Variants in KCTD7 observed in about 807,000 individuals in gnomAD.
The protein encoded by KCTD7 is BTB/POZ domain-containing protein KCTD7.
In KCTD7, 15 loss-of-function variants were observed where a neutral mutation model predicts 27.0. The ratio of observed to expected loss-of-function variants is 0.56; its 90% CI spans 0.37 to 0.86. KCTD7 has a LOEUF of 0.86. Ranked by LOEUF, KCTD7 falls within the 40% of genes least tolerant of loss-of-function variation. The probability of loss-of-function intolerance (pLI) is 0.00; values close to 1 mark genes in which losing one functional copy is unlikely to be tolerated. For missense variants in KCTD7, 299 were observed against 398.9 expected (o/e 0.75, Z 2.13); for synonymous variants, 159 against 162.7 (o/e 0.98, Z 0.17).
At chr7:66,632,442 G>C (rs1448920480) in intron 1 of KCTD7, among the ~76,000 whole-genome samples, 1 of 144,420 alleles carries the variant, frequency 6.9e-6, no homozygotes, top group African/African-American at 2.6e-5. Context: ...AGCCGAGATC[G>C]CGCCACTGAA....
intron 1 of KCTD7, among the ~76,000 whole-genome samples, chr7:66,631,419 ATTAG>A (rs1786437715): frequency 6.6e-6 from 1 of 152,120 alleles, no homozygotes; most frequent in Non-Finnish European, 1.5e-5. Context: ...AAATACAAAA[ATTAG>A]TTGGGTGTGG....
In KCTD7 at chr7:66,640,448, T is replaced by G; in HGVS notation, c.*1216T>G. On this transcript the variant is annotated 3_prime_UTR_variant, in exon 4 of 4. Coordinates refer to ENST00000639828, the MANE Select transcript of KCTD7 (RefSeq NM_153033.5). Reference sequence around the variant, plus strand: ...ACTACTGCATTTCCTTCTTGCTCTGTCTACAGCCTAGGCCAACTAGTCAGG... The same window carrying G: ...ACTACTGCATTTCCTTCTTGCTCTGGCTACAGCCTAGGCCAACTAGTCAGG... The G allele has an allele frequency of 6.5e-7, 1 of 1,537,284 alleles. No individual in the cohort carries two copies. The highest frequency in any genetic ancestry group is 8.7e-7 in the Non-Finnish European group (1 of 1,146,906).
At chr7:66,633,588 G>T in intron 2 of KCTD7, 144 bp downstream of exon 2, 30 of 761,862 alleles carry the variant, frequency 3.9e-5, no homozygotes, top group Non-Finnish European at 4.4e-5. Context: ...TATTGAAAGA[G>T]ATCAATTTTT....
intron 2 of KCTD7, among the ~76,000 whole-genome samples, chr7:66,633,881 A>C (rs1786511832): frequency 6.6e-6 from 1 of 151,906 alleles, no homozygotes; most frequent in African/African-American, 2.4e-5. Context: ...CCAGCTACTC[A>C]GGAAGCTGAG....
intron 3 of KCTD7, 21 bp from the exon 4 acceptor site, chr7:66,638,835 G>A (rs1786645797): frequency 6.2e-7 from 1 of 1,613,682 alleles, no homozygotes; most frequent in South Asian, 1.1e-5. Context: ...CTAGTGATAG[G>A]TGTTGTGTTC....
intron 1 of KCTD7, among the ~76,000 whole-genome samples, 189 bp from the exon 2 acceptor site, chr7:66,633,086 G>T (rs1230056136): frequency 6.6e-6 from 1 of 151,908 alleles, no homozygotes; most frequent in East Asian, 1.9e-4. Context: ...GGGTTAGAAT[G>T]GGTAGGACTT....
chr7:66,638,796 T>A, intron 3 of KCTD7, 60 bp from the exon 4 acceptor site: 1 of 1,600,406 alleles, frequency 6.2e-7, no homozygotes. Flanking sequence ...TCTCTGTGCA[T>A]CTCTGCTGCC....
Position 66,639,086 on chromosome 7 carries a change from T to C in KCTD7, c.724T>C (p.Tyr242His). The C allele has an allele frequency of 6.2e-7, 1 of 1,614,118 alleles. No individual in the cohort carries two copies. The highest frequency in any genetic ancestry group is 8.5e-7 in the Non-Finnish European group (1 of 1,180,004). Residue 242 changes from tyrosine to histidine, a missense_variant, in exon 4 of 4, where the codon TAT (tyrosine) becomes CAT (histidine). Coordinates refer to ENST00000639828, the MANE Select transcript of KCTD7 (RefSeq NM_153033.5). ...GCCCTGGGAGGCTGTGGCTGATGTT[T>C]ATGACCTGCTGCACTGCCTGGTCAC... ...FGPWEAVADV[Y>H]DLLHCLVTDL...
Position 66,642,182 on chromosome 7 carries a change from G to A in KCTD7, c.*2950G>A, listed in dbSNP as rs1006949309. On this transcript the variant is annotated 3_prime_UTR_variant, in exon 4 of 4. Coordinates refer to ENST00000639828, the MANE Select transcript of KCTD7 (RefSeq NM_153033.5). ...AAAAAGACTGAAGCAAAACCACACTGAAATGCATCCCACTCCAGGAGAGGA... is the reference window on the plus strand; with the variant it reads ...AAAAAGACTGAAGCAAAACCACACTAAAATGCATCCCACTCCAGGAGAGGA... The A allele has an allele frequency of 1.0e-5, 10 of 985,248 alleles. No individual in the cohort carries two copies. In the African/African-American group the frequency reaches 1.7e-4, roughly 17 times the overall value. 61.0% of individuals were successfully genotyped at this position (985,248 alleles called of 1,614,324 possible).
In KCTD7 at chr7:66,639,346, A is replaced by G. The variant is rs907869743; in HGVS notation, c.*114A>G. On this transcript the variant is annotated 3_prime_UTR_variant, in exon 4 of 4. Coordinates refer to ENST00000639828, the MANE Select transcript of KCTD7 (RefSeq NM_153033.5). ...TGCCCCAGAATCTGCCGAGGTGAGA[A>G]CAGCATCCTGAGGCACAGCTCCCAG... The G allele has an allele frequency of 4.4e-6, 7 of 1,577,346 alleles. No homozygotes were observed. The highest frequency in any genetic ancestry group is 5.1e-6 in the Non-Finnish European group (6 of 1,168,128).
At chr7:66,638,453 T>G in intron 3 of KCTD7, 22 bp downstream of exon 3, 3 of 1,510,080 alleles carry the variant, frequency 2.0e-6, no homozygotes, top group Non-Finnish European at 2.7e-6. Flanking sequence ...CTGCCCAGGA[T>G]GGTGGGTATG....
At chr7:66,637,549 C>A (rs1385149451) in intron 2 of KCTD7, among the ~76,000 whole-genome samples, 1 of 151,812 alleles carries the variant, frequency 6.6e-6, no homozygotes, top group African/African-American at 2.4e-5. Context: ...AACAAAAAAA[C>A]AAACTACTGG....
At chr7:66,634,134 A>ATATATATATATATG (rs997286181) in intron 2 of KCTD7, among the ~76,000 whole-genome samples, 12 of 145,662 alleles carry the variant, frequency 8.2e-5, no homozygotes, top group African/African-American at 2.8e-4. Context: ...ATATATATAT[A>ATATATATATATATG]TATGTATATA....
At chr7:66,631,690 A>G (rs1786445728) in intron 1 of KCTD7, among the ~76,000 whole-genome samples, 1 of 151,674 alleles carries the variant, frequency 6.6e-6, no homozygotes, top group Non-Finnish European at 1.5e-5. Context: ...TAGAAACCAC[A>G]AGCAGTGCAA....
Position 66,640,197 on chromosome 7 carries a change from CCTT to C in KCTD7, c.*968_*970del, listed in dbSNP as rs1786683873. ...TGTTCCTCTGTCCTGGTAACATTCT[CCTT>C]CTAGGAGAGCCTCTCTTCTGAGAAG... On this transcript the variant is annotated 3_prime_UTR_variant, in exon 4 of 4. Transcript: ENST00000639828. 9 of 1,441,740 alleles carry C rather than the reference CCTT, an allele frequency of 6.2e-6. No homozygotes were observed. Among genetic ancestry groups the C allele is most frequent in the African/African-American group, 1.4e-5 (1 of 69,790 alleles). 89.3% of individuals were successfully genotyped at this position (1,441,740 alleles called of 1,614,324 possible).
intron 2 of KCTD7, among the ~76,000 whole-genome samples, chr7:66,636,439 T>C: frequency 6.6e-6 from 1 of 151,658 alleles, no homozygotes; most frequent in East Asian, 1.9e-4. Flanking sequence ...CCCAATGTCA[T>C]TGAGAGGATT....
intron 2 of KCTD7, among the ~76,000 whole-genome samples, chr7:66,636,465 T>G (rs538683236): frequency 6.6e-6 from 1 of 151,842 alleles, no homozygotes; most frequent in Non-Finnish European, 1.5e-5. Context: ...GGATAACCCA[T>G]GAATAGTGGC....
At chr7:66,636,314 C>T (rs549194254) in intron 2 of KCTD7, among the ~76,000 whole-genome samples, 9 of 151,988 alleles carry the variant, frequency 5.9e-5, no homozygotes, top group East Asian at 1.9e-4. Flanking sequence ...GTAGAATCAG[C>T]CATGGCTGGA....
chr7:66,633,238 C>T (rs779862565), intron 1 of KCTD7, 37 bp from the exon 2 acceptor site: 14 of 1,609,520 alleles, frequency 8.7e-6, no homozygotes, highest in African/African-American at 2.7e-5. Context: ...TCTCATTCCC[C>T]GTTGCCTGCC....
Sources: allele counts gnomAD v4.1 joint callset (sites outside exome capture counted in the v4.1 genomes callset), GRCh38; gene constraint gnomAD v4.1.1; transcripts MANE v1.5; gene names NCBI Gene and HGNC (gene_info 2026-07-23, HGNC 2026-07-21).